The following GRK1 variants were observed in gnomAD, a reference collection of about 807,000 sequenced individuals.
The protein encoded by GRK1 is rhodopsin kinase GRK1.
Under a neutral mutation model 41.7 loss-of-function variants are expected in GRK1, and 28 were observed. That is an observed-to-expected ratio of 0.67 (90% CI 0.50 to 0.92). The LOEUF (loss-of-function observed/expected upper bound fraction) is 0.92. Among genes scored for constraint, GRK1 ranks in the 40% least tolerant of loss-of-function variants. GRK1 has a pLI of 0.00. For synonymous variants in GRK1, 327 were observed against 286.7 expected (o/e 1.14, Z -1.42); for missense variants, 703 against 671.2 (o/e 1.05, Z -0.52).
At chr13:113,661,003 C>A in the GRK1 span, among the ~76,000 whole-genome samples, 1 of 152,126 alleles carries the variant, frequency 6.6e-6, no homozygotes, top group African/African-American at 2.4e-5. Context: ...CATCATCAAC[C>A]AACAGGATGT....
the GRK1 span, among the ~76,000 whole-genome samples, chr13:113,648,645 G>A: frequency 6.6e-6 from 1 of 152,216 alleles, no homozygotes; most frequent in Admixed American, 6.5e-5. Context: ...TGAACGAGAA[G>A]TGTGTTTGTA....
rs1449843669 is a variant in GRK1 at position 113,736,873 on chromosome 13, ATGATGTGAC to A, written c.*1516_*1524del. 1 of 152,442 alleles carries A rather than the reference ATGATGTGAC, an allele frequency of 6.6e-6. No individual in the cohort carries two copies. Among genetic ancestry groups the A allele is most frequent in the African/African-American group, 2.4e-5 (1 of 41,468 alleles). The allele number at this position is 152,442 out of a possible 1,614,324, so 9.4% of individuals were successfully genotyped here. A position where few individuals can be genotyped will look rare whatever the true frequency, so the allele number is the denominator to read the frequency against. On this transcript the variant is annotated 3_prime_UTR_variant, in exon 7 of 7. Coordinates refer to ENST00000335678, the MANE Select transcript of GRK1 (RefSeq NM_002929.3). ...TGAGAGGGGCCGCGGCAAGTGGCTG[ATGATGTGAC>A]TGATGGAGACAGGGTGGCTTGGGAA...
At chr13:113,733,671 ACG>A (rs2049960660) in intron 6 of GRK1, among the ~76,000 whole-genome samples, 3 of 58,110 alleles carry the variant, frequency 5.2e-5, no homozygotes, top group Middle Eastern at 0.015. Flanking sequence ...GCGTGTGTGC[ACG>A]TGTGTGCATG....
intron 4 of GRK1, among the ~76,000 whole-genome samples, chr13:113,724,443 G>C (rs2049877437): frequency 6.6e-6 from 1 of 152,206 alleles, no homozygotes; most frequent in African/African-American, 2.4e-5. Flanking sequence ...GGGTTTGTGT[G>C]CGGTGGTGTT....
chr13:113,652,465 C>A, the GRK1 span, among the ~76,000 whole-genome samples: 1 of 152,314 alleles, frequency 6.6e-6, no homozygotes, highest in Non-Finnish European at 1.5e-5. Flanking sequence ...GGGATCACCT[C>A]CCCACACCCC....
At chr13:113,728,392 G>A (rs1447154545) in intron 4 of GRK1, among the ~76,000 whole-genome samples, 3 of 139,056 alleles carry the variant, frequency 2.2e-5, no homozygotes, top group South Asian at 4.5e-4. Context: ...GAGTACCCAT[G>A]GCGATGAGGA....
intron 2 of GRK1, among the ~76,000 whole-genome samples, chr13:113,670,954 C>T (rs1018457467): frequency 3.9e-5 from 6 of 152,190 alleles, no homozygotes; most frequent in African/African-American, 1.4e-4. Context: ...CCAGGGCCTC[C>T]TCTCCTGTTT....
At chr13:113,649,941 T>C in the GRK1 span, among the ~76,000 whole-genome samples, 1 of 152,138 alleles carries the variant, frequency 6.6e-6, no homozygotes, top group African/African-American at 2.4e-5. The surrounding 1 kb of genome is among the most constrained non-coding windows in gnomAD (Gnocchi z 4.7). Flanking sequence ...GGCAGGCTGA[T>C]TGCTTCAGCC....
At chr13:113,649,826 A>G in the GRK1 span, among the ~76,000 whole-genome samples, 3 of 152,208 alleles carry the variant, frequency 2.0e-5, no homozygotes, top group Non-Finnish European at 4.4e-5. This position sits in a 1 kb window ranked among gnomAD's most constrained non-coding sequence, Gnocchi z 4.7. Flanking sequence ...TGTGGAGGAA[A>G]GTCTTCGAAG....
At chr13:113,726,948 A>G (rs1268486459) in intron 4 of GRK1, among the ~76,000 whole-genome samples, 2 of 152,234 alleles carry the variant, frequency 1.3e-5, no homozygotes, top group African/African-American at 4.8e-5. Context: ...GTGAAGGACC[A>G]GGAAGGACCT....
intron 6 of GRK1, among the ~76,000 whole-genome samples, chr13:113,733,323 C>G (rs1305342937): frequency 1.3e-5 from 2 of 152,240 alleles, no homozygotes; most frequent in Non-Finnish European, 2.9e-5. Context: ...AGGAAACACA[C>G]TGGCCGCACT....
chr13:113,654,159 T>C, the GRK1 span, among the ~76,000 whole-genome samples: 12 of 152,242 alleles, frequency 7.9e-5, no homozygotes, highest in African/African-American at 2.9e-4. Flanking sequence ...CCCCTATGGA[T>C]GCAGCTGGCT....
At chr13:113,664,604 A>T (rs147488234), upstream of GRK1, among the ~76,000 whole-genome samples, 19 of 152,310 alleles carry the variant, frequency 1.2e-4, no homozygotes, top group African/African-American at 4.6e-4. This position sits in a 1 kb window ranked among gnomAD's most constrained non-coding sequence, Gnocchi z 5.4. Flanking sequence ...GCTTCCCAAC[A>T]TGACTGCAGG....
chr13:113,668,619 G>A (rs1194845623), intron 1 of GRK1, among the ~76,000 whole-genome samples: 2 of 152,266 alleles, frequency 1.3e-5, no homozygotes, highest in Non-Finnish European at 1.5e-5. Flanking sequence ...GTGAGCGACG[G>A]GCACGCAGGC....
Position 113,728,123 on chromosome 13 carries a change from ATGAGGAGTACCCATGGCG to A in GRK1, c.1070-3095_1070-3078del, listed in dbSNP as rs2049905190. 2.0e-5 allele frequency among the ~76,000 whole-genome samples: 2 copies of A among 98,956 alleles called. 1 individual carries two copies. Among genetic ancestry groups the A allele is most frequent in the African/African-American group, 9.8e-5 (2 of 20,410 alleles). The allele number at this position is 98,956 out of a possible 152,430, so 64.9% of individuals were successfully genotyped here. A position where few individuals can be genotyped will look rare whatever the true frequency, so the allele number is the denominator to read the frequency against. On this transcript the variant is annotated intron_variant, in intron 4 of 6. Transcript: ENST00000335678. The stretch of plus-strand genomic sequence containing the variant: ...ATGGCAATGAGGAGTACCCATGGCG[ATGAGGAGTACCCATGGCG>A]ATGAGGAGTACCCATGGCGATGAGG...
chr13:113,658,592 C>T, the GRK1 span, among the ~76,000 whole-genome samples: 16 of 152,316 alleles, frequency 1.1e-4, no homozygotes, highest in African/African-American at 1.4e-4. Flanking sequence ...CCTGGGAGGG[C>T]GTGAGGCAGG....
chr13:113,733,694 T>TGTGTGTGC (rs2049962024), intron 6 of GRK1, among the ~76,000 whole-genome samples: 1 of 142,310 alleles, frequency 7.0e-6, no homozygotes, highest in Admixed American at 6.9e-5. Flanking sequence ...TATGTGTGCA[T>TGTGTGTGC]ACATGTGTGC....
At chr13:113,653,573 G>A in the GRK1 span, 1 of 674,708 alleles carries the variant, frequency 1.5e-6, no homozygotes, top group Non-Finnish European at 2.6e-6. Context: ...TGCAGCACAG[G>A]AAGGAAGGAC....
chr13:113,735,213 C>A lies in GRK1; in HGVS notation c.1542C>A (p.Cys514Ter). Residue 514 changes from cysteine (C) to a stop codon, truncating the protein, a stop_gained, in exon 7 of 7, where the codon TGC becomes TGA. Transcript: ENST00000335678. LOFTEE classifies it low-confidence loss of function (END_TRUNC). ...EFFQEFATGN[C>*]PIPWQEEMIE... ...TTCAGGAATTTGCCACTGGCAACTG[C>A]CCCATCCCCTGGCAGGAGGAGATGA... is the stretch of plus-strand genomic sequence containing the variant. The A allele has an allele frequency of 6.5e-7, 1 of 1,537,192 alleles. No homozygotes were observed. Among genetic ancestry groups the A allele is most frequent in the Non-Finnish European group, 8.7e-7 (1 of 1,146,906 alleles).
Sources: allele counts gnomAD v4.1 joint callset (sites outside exome capture counted in the v4.1 genomes callset), GRCh38; gene constraint gnomAD v4.1.1; non-coding constraint Gnocchi (gnomAD v3.1); transcripts MANE v1.5; gene names NCBI Gene and HGNC (gene_info 2026-07-23, HGNC 2026-07-21).